USP42: variants seen among roughly 807,000 people sequenced by gnomAD.
USP42 encodes ubiquitin carboxyl-terminal hydrolase 42.
USP42 carries 23 observed loss-of-function variants against 113.0 expected under a neutral mutation model. The ratio of observed to expected loss-of-function variants is 0.20; its 90% CI spans 0.15 to 0.29. The LOEUF is 0.29. Among genes scored for constraint, USP42 ranks in the 10% least tolerant of loss-of-function variants. USP42 has a pLI of 1.00. For synonymous variants in USP42, 933 were observed against 699.0 expected (o/e 1.33, Z -5.28); for missense variants, 2,174 against 1,779.8 (o/e 1.22, Z -3.99).
chr7:6,097,169 T>C, the USP42 span, among the ~76,000 whole-genome samples: 1 of 151,072 alleles, frequency 6.6e-6, no homozygotes. Context: ...CCCTGGCTTA[T>C]ACATGACAGC....
chr7:6,126,520 C>T (rs1249808856), intron 3 of USP42, among the ~76,000 whole-genome samples: 10 of 152,176 alleles, frequency 6.6e-5, no homozygotes, highest in African/African-American at 1.9e-4. Flanking sequence ...CTCCTGACCT[C>T]GTGATCTGCC....
chr7:6,131,924 A>G (rs184939307), intron 3 of USP42, among the ~76,000 whole-genome samples: 2 of 152,176 alleles, frequency 1.3e-5, no homozygotes, highest in Non-Finnish European at 2.9e-5. Flanking sequence ...GGGGTGTAGA[A>G]TTCTATGTTA....
At chr7:6,097,635 G>C in the USP42 span, among the ~76,000 whole-genome samples, 1 of 148,810 alleles carries the variant, frequency 6.7e-6, no homozygotes, top group African/African-American at 2.5e-5. Context: ...CTGTCACCCA[G>C]GCTGGAGTGC....
At chr7:6,127,057 T>G (rs1780583333) in intron 3 of USP42, among the ~76,000 whole-genome samples, 1 of 152,250 alleles carries the variant, frequency 6.6e-6, no homozygotes, top group South Asian at 2.1e-4. Context: ...CAGTGTGGCT[T>G]TCATTTGCAT....
intron 4 of USP42, among the ~76,000 whole-genome samples, chr7:6,137,995 A>G (rs1044825858): frequency 2.0e-5 from 3 of 152,172 alleles, no homozygotes; most frequent in African/African-American, 4.8e-5. Context: ...ATTTATTTTT[A>G]TACATATTTA....
intron 14 of USP42, 59 bp downstream of exon 14, chr7:6,150,565 C>G: frequency 7.2e-7 from 1 of 1,396,726 alleles, no homozygotes; most frequent in Non-Finnish European, 1.0e-6. Flanking sequence ...CCAGTAGCCT[C>G]CAGATGTGTC....
rs781670994 is a variant in USP42 at position 6,157,056 on chromosome 7, G to A, written c.3943+1G>A. The stretch of plus-strand genomic sequence containing the variant: ...TGTCGTCTCTTTGAGTATGGCCAGG[G>A]TAAGAGGAGATACTTGGAATTAGGA... On this transcript the variant is annotated splice_donor_variant, in intron 16 of 17. Transcript: ENST00000306177. LOFTEE classifies it high-confidence loss of function. This position sits in a 1 kb window ranked among gnomAD's most constrained non-coding sequence, Gnocchi z 4.1. 1.9e-6 allele frequency: 3 copies of A among 1,580,872 alleles called. No individual in the cohort carries two copies. In the Admixed American group the frequency reaches 5.9e-5, roughly 31 times the overall value.
intron 3 of USP42, among the ~76,000 whole-genome samples, chr7:6,123,405 T>C (rs909929252): frequency 1.3e-5 from 2 of 152,148 alleles, no homozygotes; most frequent in African/African-American, 4.8e-5. Flanking sequence ...GGCTCACGCC[T>C]GTAATCCCAG....
At chr7:6,120,071 T>G (rs1030714530) in intron 3 of USP42, among the ~76,000 whole-genome samples, 2 of 152,202 alleles carry the variant, frequency 1.3e-5, no homozygotes, top group African/African-American at 4.8e-5. Context: ...TTCACGCCAT[T>G]CTTCTGCCTC....
At chr7:6,087,321 G>A in the USP42 span, among the ~76,000 whole-genome samples, 3 of 145,590 alleles carry the variant, frequency 2.1e-5, no homozygotes, top group Admixed American at 1.4e-4. Flanking sequence ...GTGAGCCACC[G>A]CACCTGGCCT....
chr7:6,113,276 A>G (rs1479715912), intron 2 of USP42, among the ~76,000 whole-genome samples: 4 of 152,106 alleles, frequency 2.6e-5, no homozygotes, highest in African/African-American at 9.7e-5. Context: ...GGAAGTTTAT[A>G]TCATGAAACA....
At position 6,159,215 on chromosome 7, in the gene USP42, C is replaced by T. The variant is rs763659813; in HGVS notation, c.3944-235C>T. On this transcript the variant is annotated intron_variant, in intron 16 of 17. Coordinates refer to ENST00000306177, the MANE Select transcript of USP42 (RefSeq NM_032172.3). This position sits in a 1 kb window ranked among gnomAD's most constrained non-coding sequence, Gnocchi z 4.1. ...TGATATCTGTTCTAACATCAGGCTG[C>T]GTGTGGGTTGGATGGAGCCCTCAGT... 3.9e-5 allele frequency among the ~76,000 whole-genome samples: 6 copies of T among 152,156 alleles called. No individual in the cohort carries two copies. Among genetic ancestry groups the T allele is most frequent in the South Asian group, 2.1e-4 (1 of 4,826 alleles).
the USP42 span, among the ~76,000 whole-genome samples, chr7:6,082,402 AC>A: frequency 7.8e-3 from 1,163 of 148,526 alleles, 11 homozygotes; most frequent in African/African-American, 0.029. Context: ...TGCTGGGATT[AC>A]AGGCGTGAGC....
At chr7:6,153,544 T>G (rs1212716558) in intron 14 of USP42, among the ~76,000 whole-genome samples, 2 of 152,118 alleles carry the variant, frequency 1.3e-5, no homozygotes, top group African/African-American at 4.8e-5. Context: ...AATGACGAGT[T>G]AATGGGTGCA....
chr7:6,156,817 A>C lies in USP42; in HGVS notation c.3705A>C (p.Lys1235Asn). The change falls in exon 16 of 18, where the codon AAA becomes AAC. Residue 1235 changes from lysine to asparagine, a missense_variant. Lys to Asn is a moderately conservative substitution (Grantham distance 94, BLOSUM62 0). Coordinates refer to ENST00000306177, the MANE Select transcript of USP42 (RefSeq NM_032172.3). ...ACGCTGACCTCCACAGACACAAAAA[A>C]AAGAAGAAGAAAAAGAAGAGACATT... ...CSDADLHRHK[K>N]KKKKKKRHSR... The C allele has an allele frequency of 1.2e-6, 2 of 1,607,746 alleles. No individual in the cohort carries two copies. Among genetic ancestry groups the C allele is most frequent in the Non-Finnish European group, 1.7e-6 (2 of 1,178,152 alleles).
chr7:6,147,913 G>A (rs746680308), intron 12 of USP42, 21 bp downstream of exon 12: 3 of 1,566,154 alleles, frequency 1.9e-6, no homozygotes, highest in Non-Finnish European at 2.6e-6. Context: ...TTAGGGAGAA[G>A]AACATTTTTA....
chr7:6,104,953 T>C lies in USP42; in HGVS notation c.-89T>C. Reference sequence around the variant, plus strand: ...GTGCCCGGATGGAGGCACGTCATTGTCCCCCGCCGGGCGGCTGGGCTGTGT... The same window carrying C: ...GTGCCCGGATGGAGGCACGTCATTGCCCCCCGCCGGGCGGCTGGGCTGTGT... On this transcript the variant is annotated 5_prime_UTR_variant, in exon 1 of 18. Coordinates refer to ENST00000306177, the MANE Select transcript of USP42 (RefSeq NM_032172.3). 6.7e-6 allele frequency: 1 copy of C among 149,020 alleles called. No homozygotes were observed. The highest frequency in any genetic ancestry group is 1.5e-5 in the Non-Finnish European group (1 of 68,144). 9.2% of individuals were successfully genotyped at this position (149,020 alleles called of 1,614,324 possible).
At chr7:6,143,605 C>T (rs1294911967) in intron 8 of USP42, among the ~76,000 whole-genome samples, 2 of 152,076 alleles carry the variant, frequency 1.3e-5, no homozygotes, top group African/African-American at 4.8e-5. Flanking sequence ...GTCAAATCTT[C>T]AAGACCAGAG....
At chr7:6,126,204 C>G (rs1431640824) in intron 3 of USP42, among the ~76,000 whole-genome samples, 2 of 152,002 alleles carry the variant, frequency 1.3e-5, no homozygotes, top group African/African-American at 4.8e-5. Context: ...GCATAATTCT[C>G]TCAAGATTGA....
Sources: gnomAD v4.1 joint callset for allele counts (sites outside exome capture counted in the v4.1 genomes callset) on GRCh38, gnomAD v4.1.1 for gene constraint, Gnocchi (gnomAD v3.1) non-coding constraint, MANE v1.5 for transcripts, NCBI Gene and HGNC (gene_info 2026-07-23, HGNC 2026-07-21) for gene names.